GNPTAB: variants seen among roughly 807,000 people sequenced by gnomAD.
The protein encoded by GNPTAB is N-acetylglucosamine-1-phosphotransferase subunits alpha/beta.
A neutral mutation model predicts 136.6 loss-of-function variants in GNPTAB; 92 were observed. The ratio of observed to expected loss-of-function variants is 0.67; its 90% CI spans 0.57 to 0.80. The LOEUF (loss-of-function observed/expected upper bound fraction) is 0.80, where lower values mean the gene tolerates loss of function less well. Ranked by LOEUF, GNPTAB falls within the 30% of genes least tolerant of loss-of-function variation. The probability of loss-of-function intolerance (pLI) is 0.00; values close to 1 mark genes in which losing one functional copy is unlikely to be tolerated. For synonymous variants in GNPTAB, 512 were observed against 535.1 expected, an observed-to-expected ratio of 0.96 and a Z score of 0.60; for missense variants, 1,343 against 1,501.8, an observed-to-expected ratio of 0.89 and a Z score of 1.75.
chr12:101,748,412 T>C (rs184724360), intron 20 of GNPTAB, among the ~76,000 whole-genome samples: 105 of 152,318 alleles, frequency 6.9e-4, no homozygotes, highest in Non-Finnish European at 3.4e-4. Flanking sequence ...CCAAGTCAGG[T>C]TGGTAAAGAT....
At chr12:101,823,262 G>A (rs1870908655) in intron 1 of GNPTAB, among the ~76,000 whole-genome samples, 1 of 152,170 alleles carries the variant, frequency 6.6e-6, no homozygotes, top group African/African-American at 2.4e-5. Flanking sequence ...TGCCAGGTAT[G>A]CGGTGTAGGC....
intron 13 of GNPTAB, among the ~76,000 whole-genome samples, chr12:101,763,221 CAAA>C (rs754822672): frequency 3.3e-5 from 2 of 59,882 alleles, no homozygotes. Context: ...AACTCCATCT[CAAA>C]AAAAAAAAAA....
intron 1 of GNPTAB, among the ~76,000 whole-genome samples, chr12:101,808,738 G>C (rs1044604851): frequency 2.0e-5 from 3 of 152,140 alleles, no homozygotes; most frequent in Non-Finnish European, 4.4e-5. Context: ...CCTGAGGTCG[G>C]GAGTTCGAGA....
Position 101,802,572 on chromosome 12 carries a change from GA to G in GNPTAB, c.118-5811del, listed in dbSNP as rs916860741. On this transcript the variant is annotated intron_variant, in intron 1 of 20. Transcript: ENST00000299314. Reference sequence around the variant, plus strand: ...ATGGATAGAGTCAAAGGCATAGAAGGAAAAAAAAACACTCCACAAGTCTGTT... The same window carrying G: ...ATGGATAGAGTCAAAGGCATAGAAGGAAAAAAAACACTCCACAAGTCTGTT... Among the ~76,000 whole-genome samples, 105 of 148,742 alleles carry G rather than the reference GA, an allele frequency of 7.1e-4. 1 individual carries two copies. The highest frequency in any genetic ancestry group is 2.4e-3 in the African/African-American group (96 of 40,424).
intron 19 of GNPTAB, among the ~76,000 whole-genome samples, chr12:101,752,581 T>G (rs1952837202): frequency 6.6e-6 from 1 of 152,252 alleles, no homozygotes; most frequent in African/African-American, 2.4e-5. Flanking sequence ...TATTTCAGTA[T>G]GAATTCTCCA....
Position 101,764,612 on chromosome 12 carries a change from G to C in GNPTAB, c.2305C>G (p.Gln769Glu), listed in dbSNP as rs1235685630. 4 of 1,613,934 alleles carry C rather than the reference G, an allele frequency of 2.5e-6. No homozygotes were observed. The highest frequency in any genetic ancestry group is 2.2e-5 in the South Asian group (2 of 91,040). The change falls in exon 13 of 21, where the codon CAG becomes GAG. Residue 769 changes from glutamine (Q) to glutamate (E), a missense_variant. Physicochemically the swap from Gln to Glu is conservative, Grantham distance 29. Transcript: ENST00000299314. ...NDSLVAPQEKQVHKSILPNSL... is the reference protein window; with the variant it reads ...NDSLVAPQEKEVHKSILPNSL... ...TTTGGCAAGATGCTTTTATGAACCT[G>C]TTTTTCCTGTGGAGCCACCAAACTG... is the stretch of plus-strand genomic sequence containing the variant.
In GNPTAB at chr12:101,757,311, C is replaced by G. The variant is rs397507562; in HGVS notation, c.3336-1G>C. 3 of 1,530,022 alleles carry G rather than the reference C, an allele frequency of 2.0e-6. No homozygotes were observed. The highest frequency in any genetic ancestry group is 1.4e-5 in the African/African-American group (1 of 73,186). The allele number at this position is 1,530,022 out of a possible 1,614,324, so 94.8% of individuals were successfully genotyped here. On this transcript the variant is annotated splice_acceptor_variant, in intron 17 of 20. Transcript: ENST00000299314. LOFTEE classifies it high-confidence loss of function. The stretch of plus-strand genomic sequence containing the variant: ...TTCTTCTTCTCCCATGATTTCAAAC[C>G]TAATTATCAAAACATATTTGAAGAG...
chr12:101,771,042 G>A lies in GNPTAB; in HGVS notation c.887C>T (p.Thr296Ile). 1 of 1,613,994 alleles carries A rather than the reference G, an allele frequency of 6.2e-7. No homozygotes were observed. The highest frequency in any genetic ancestry group is 8.5e-7 in the Non-Finnish European group (1 of 1,179,906). Residue 296 changes from threonine to isoleucine, a missense_variant, in exon 8 of 21, where the codon ACC (threonine) becomes ATC (isoleucine). By Grantham distance (89) the Thr-to-Ile change is moderately conservative. Coordinates refer to ENST00000299314, the MANE Select transcript of GNPTAB (RefSeq NM_024312.5). ...KNMTIDGKEL[T>I]ISPAYLLWDL... ...CCATAATAAATATGCAGGACTTATG[G>A]TCAGTTCTTTTCCATCAATGGTCAT...
intron 10 of GNPTAB, among the ~76,000 whole-genome samples, chr12:101,769,739 GC>G (rs1953142825): frequency 6.6e-6 from 1 of 150,400 alleles, no homozygotes; most frequent in South Asian, 2.1e-4. Context: ...TCCCCCCACG[GC>G]CCCCCAACAC....
intron 1 of GNPTAB, among the ~76,000 whole-genome samples, chr12:101,799,499 C>G (rs1869486075): frequency 6.6e-6 from 1 of 152,164 alleles, no homozygotes; most frequent in African/African-American, 2.4e-5. Flanking sequence ...AAGCAAGCAT[C>G]AGGATTTAAA....
chr12:101,765,651 G>A (rs1953079609), intron 12 of GNPTAB: 2 of 366,454 alleles, frequency 5.5e-6, no homozygotes, highest in Non-Finnish European at 5.1e-6. Flanking sequence ...TCACTATAGA[G>A]ATATGGCATG....
At chr12:101,764,160 T>C (rs1483736497) in intron 13 of GNPTAB, 42 bp downstream of exon 13, 3 of 1,612,924 alleles carry the variant, frequency 1.9e-6, no homozygotes, top group Non-Finnish European at 2.5e-6. Context: ...GATTATTTAC[T>C]CTTCCTGAGC....
chr12:101,815,223 A>G (rs989425742), intron 1 of GNPTAB, among the ~76,000 whole-genome samples: 1 of 152,092 alleles, frequency 6.6e-6, no homozygotes, highest in Non-Finnish European at 1.5e-5. Context: ...GCATGCCACT[A>G]TGCTGGCTAA....
chr12:101,781,502 CA>C (rs1953343492), intron 5 of GNPTAB, among the ~76,000 whole-genome samples: 2 of 151,966 alleles, frequency 1.3e-5, no homozygotes, highest in South Asian at 2.1e-4. Flanking sequence ...CCTGTCTCTA[CA>C]AAAAACAAAC....
At chr12:101,765,337 T>C (rs1468848210) in intron 12 of GNPTAB, 33 bp from the exon 13 acceptor site, 5 of 1,409,632 alleles carry the variant, frequency 3.5e-6, no homozygotes, top group Non-Finnish European at 5.0e-6. Flanking sequence ...GATTTTTTTT[T>C]TAACTGGGCA....
intron 10 of GNPTAB, among the ~76,000 whole-genome samples, chr12:101,769,632 G>A (rs1428685438): frequency 6.6e-6 from 1 of 151,864 alleles, no homozygotes; most frequent in Non-Finnish European, 1.5e-5. Flanking sequence ...TTCTCACTCT[G>A]TCACCCAAGC....
intron 2 of GNPTAB, among the ~76,000 whole-genome samples, chr12:101,792,080 T>G (rs1010255776): frequency 5.9e-5 from 9 of 151,392 alleles, no homozygotes; most frequent in Non-Finnish European, 1.3e-4. Context: ...ATAGAAAGAG[T>G]GTCTATGGGG....
intron 13 of GNPTAB, among the ~76,000 whole-genome samples, chr12:101,762,903 T>TA (rs35645073): frequency 0.45 from 55,877 of 125,040 alleles, 11,799 homozygotes; most frequent in East Asian, 0.55. Context: ...TTTGTAAATT[T>TA]AAAAAAAAAA....
intron 20 of GNPTAB, among the ~76,000 whole-genome samples, chr12:101,748,649 T>C (rs553662718): frequency 2.0e-5 from 3 of 151,988 alleles, no homozygotes; most frequent in Non-Finnish European, 4.4e-5. Flanking sequence ...TCCTAGCGAT[T>C]GAAAGAAAGA....
Sources: allele counts gnomAD v4.1 joint callset (sites outside exome capture counted in the v4.1 genomes callset), GRCh38; gene constraint gnomAD v4.1.1; transcripts MANE v1.5; gene names NCBI Gene and HGNC (gene_info 2026-07-23, HGNC 2026-07-21).